ARK2C: variants seen among roughly 807,000 people sequenced by gnomAD.
The protein encoded by ARK2C is arkadia (RNF111) C-terminal like ring finger ubiquitin ligase 2C, also known as E3 ubiquitin-protein ligase ARK2C.
At chr18:46,379,137 C>G in the ARK2C span, among the ~76,000 whole-genome samples, 1 of 152,224 alleles carries the variant, frequency 6.6e-6, no homozygotes, top group African/African-American at 2.4e-5. Context: ...TGGGAGCCCC[C>G]AGGCCCCCCA....
the ARK2C span, among the ~76,000 whole-genome samples, chr18:46,396,800 G>A: frequency 1.3e-5 from 2 of 152,188 alleles, no homozygotes; most frequent in Admixed American, 6.5e-5. Flanking sequence ...ACAGCTCAGG[G>A]CATCCAAGGA....
At chr18:46,388,173 G>C in the ARK2C span, among the ~76,000 whole-genome samples, 1 of 152,182 alleles carries the variant, frequency 6.6e-6, no homozygotes, top group South Asian at 2.1e-4. Context: ...TACATAGTAA[G>C]ATGGCATTTT....
At chr18:46,416,072 G>A in the ARK2C span, among the ~76,000 whole-genome samples, 106 of 152,268 alleles carry the variant, frequency 7.0e-4, 2 homozygotes, top group South Asian at 5.0e-3. Context: ...TCATGGGGGT[G>A]GAGAGGAAGA....
the ARK2C span, among the ~76,000 whole-genome samples, chr18:46,363,367 G>A: frequency 3.3e-5 from 5 of 152,150 alleles, no homozygotes; most frequent in Non-Finnish European, 7.4e-5. Context: ...AAAAAATATC[G>A]AAAGGAACAC....
chr18:46,378,969 G>A, the ARK2C span, among the ~76,000 whole-genome samples: 389 of 152,244 alleles, frequency 2.6e-3, 1 homozygote, highest in African/African-American at 8.7e-3. Flanking sequence ...TCAAATGAAG[G>A]GACCTCACTG....
chr18:46,373,522 C>CAG, the ARK2C span, among the ~76,000 whole-genome samples: 1 of 152,194 alleles, frequency 6.6e-6, no homozygotes, highest in Non-Finnish European at 1.5e-5. Flanking sequence ...ATGTCTCTGG[C>CAG]TGTTGATGAC....
the ARK2C span, among the ~76,000 whole-genome samples, chr18:46,410,617 A>G: frequency 6.6e-6 from 1 of 152,258 alleles, no homozygotes; most frequent in Non-Finnish European, 1.5e-5. Context: ...ACCTGGAGCC[A>G]TGCCCAGAAA....
chr18:46,364,375 A>C, the ARK2C span, among the ~76,000 whole-genome samples: 2 of 150,100 alleles, frequency 1.3e-5, no homozygotes, highest in Non-Finnish European at 2.9e-5. Flanking sequence ...AACATTAAAC[A>C]AAACATGTTT....
chr18:46,363,962 G>A, the ARK2C span, among the ~76,000 whole-genome samples: 5 of 30,076 alleles, frequency 1.7e-4, no homozygotes, highest in Non-Finnish European at 3.1e-4. Flanking sequence ...TTTTTTTTTT[G>A]AGAGAGAGAG....
At chr18:46,421,459 A>G in the ARK2C span, among the ~76,000 whole-genome samples, 1 of 152,210 alleles carries the variant, frequency 6.6e-6, no homozygotes, top group East Asian at 1.9e-4. Context: ...AATGAGACAG[A>G]CCTAGGCTCT....
the ARK2C span, among the ~76,000 whole-genome samples, chr18:46,376,074 A>G: frequency 6.6e-6 from 1 of 152,216 alleles, no homozygotes; most frequent in African/African-American, 2.4e-5. Context: ...GGGTCATCAC[A>G]GCAAGCCTCA....
the ARK2C span, among the ~76,000 whole-genome samples, chr18:46,371,582 T>G: frequency 6.6e-6 from 1 of 152,358 alleles, no homozygotes; most frequent in East Asian, 1.9e-4. Context: ...GATGATATCC[T>G]GGGCATGAAG....
At chr18:46,454,140 T>TAAAAAAAAAAAAAAAAAAAAAAAAAAA in the ARK2C span, among the ~76,000 whole-genome samples, 1 of 93,256 alleles carries the variant, frequency 1.1e-5, no homozygotes, top group African/African-American at 4.1e-5. Flanking sequence ...AAAAAAAAAG[T>TAAAAAAAAAAAAAAAAAAAAAAAAAAA]AAAAGGGAAG....
the ARK2C span, among the ~76,000 whole-genome samples, chr18:46,428,893 G>C: frequency 4.6e-5 from 7 of 152,314 alleles, no homozygotes; most frequent in African/African-American, 1.7e-4. Context: ...TGCTGGGTGA[G>C]AGTCTTGACA....
chr18:46,459,767 G>A, the ARK2C span: 5 of 153,054 alleles, frequency 3.3e-5, no homozygotes, highest in Admixed American at 6.5e-5. Flanking sequence ...GTGGAGAAGA[G>A]GCAGGGTCAG....
chr18:46,450,636 C>A, the ARK2C span: 1 of 1,257,148 alleles, frequency 8.0e-7, no homozygotes, highest in Non-Finnish European at 1.2e-6. Context: ...AGCTCCCAAT[C>A]CATATCCTGT....
chr18:46,377,651 A>C, the ARK2C span, among the ~76,000 whole-genome samples: 2 of 152,174 alleles, frequency 1.3e-5, no homozygotes, highest in Non-Finnish European at 2.9e-5. Context: ...CTATGAACCA[A>C]ATGTATGGGA....
At chr18:46,336,416 A>G in the ARK2C span, 32 of 985,302 alleles carry the variant, frequency 3.2e-5, no homozygotes, top group Admixed American at 2.5e-4. Context: ...AATTCTGCCC[A>G]TCAGTTAAAG....
chr18:46,368,276 G>T, the ARK2C span, among the ~76,000 whole-genome samples: 1 of 152,188 alleles, frequency 6.6e-6, no homozygotes, highest in African/African-American at 2.4e-5. Context: ...ATTGGCTTGG[G>T]ACGTGGAGGC....
Sources: allele counts gnomAD v4.1 joint callset (sites outside exome capture counted in the v4.1 genomes callset), GRCh38; gene constraint gnomAD v4.1.1; transcripts MANE v1.5; gene names NCBI Gene and HGNC (gene_info 2026-07-23, HGNC 2026-07-21).